R3HDM1: variants seen among roughly 807,000 people sequenced by gnomAD.
R3HDM1 encodes the protein R3H domain containing 1.
Under a neutral mutation model 141.1 loss-of-function variants are expected in R3HDM1, and 46 were observed. The observed-to-expected ratio is 0.33, with a 90% CI of 0.26 to 0.42. R3HDM1 has a LOEUF of 0.42. Among genes scored for constraint, R3HDM1 ranks in the 10% least tolerant of loss-of-function variants. The probability of loss-of-function intolerance (pLI) is 1.00; values close to 1 mark genes in which losing one functional copy is unlikely to be tolerated. For missense variants in R3HDM1, 1,184 were observed against 1,368.3 expected, an observed-to-expected ratio of 0.87 and a Z score of 2.12; for synonymous variants, 435 against 472.9, an observed-to-expected ratio of 0.92 and a Z score of 1.04.
chr2:135,717,685 G>A (rs1264338241), intron 24 of R3HDM1, among the ~76,000 whole-genome samples: 1 of 152,120 alleles, frequency 6.6e-6, no homozygotes, highest in African/African-American at 2.4e-5. Context: ...CCACATGTGA[G>A]TATTTAAAAA....
intron 21 of R3HDM1, among the ~76,000 whole-genome samples, chr2:135,694,005 A>G (rs923338434): frequency 1.5e-4 from 23 of 152,232 alleles, no homozygotes; most frequent in African/African-American, 5.5e-4. Context: ...ACTGCCTCAA[A>G]AAAAAAAGAA....
intron 1 of R3HDM1, among the ~76,000 whole-genome samples, chr2:135,583,125 T>C (rs1707179207): frequency 6.6e-6 from 1 of 152,238 alleles, no homozygotes; most frequent in Non-Finnish European, 1.5e-5. Context: ...ACCAACCATG[T>C]GTATACTGCT....
intron 1 of R3HDM1, among the ~76,000 whole-genome samples, chr2:135,541,684 A>G (rs562809858): frequency 6.6e-6 from 1 of 152,296 alleles, no homozygotes; most frequent in Non-Finnish European, 1.5e-5. Flanking sequence ...TTACAGTGGT[A>G]AAGATCACTG....
At chr2:135,672,305 C>T (rs918077262) in intron 19 of R3HDM1, among the ~76,000 whole-genome samples, 2 of 152,170 alleles carry the variant, frequency 1.3e-5, no homozygotes, top group African/African-American at 4.8e-5. Context: ...AAAACCTTTG[C>T]TTCTTCACCA....
intron 18 of R3HDM1, among the ~76,000 whole-genome samples, chr2:135,660,810 C>T (rs1380395044): frequency 2.7e-5 from 4 of 149,018 alleles, no homozygotes; most frequent in Non-Finnish European, 1.5e-5. Context: ...GGCAGCACTA[C>T]ACTCCAACCT....
intron 1 of R3HDM1, among the ~76,000 whole-genome samples, chr2:135,558,492 T>C (rs566910632): frequency 6.7e-6 from 1 of 149,830 alleles, no homozygotes; most frequent in East Asian, 2.0e-4. Flanking sequence ...TAAATAACCT[T>C]AGTGGGTTAT....
chr2:135,657,269 G>A (rs986696083), intron 18 of R3HDM1, among the ~76,000 whole-genome samples: 1 of 151,814 alleles, frequency 6.6e-6, no homozygotes, highest in African/African-American at 2.4e-5. Context: ...AAATTAGCCA[G>A]GTGTGGTGGC....
At chr2:135,637,542 G>A (rs893822592) in intron 11 of R3HDM1, among the ~76,000 whole-genome samples, 1 of 152,132 alleles carries the variant, frequency 6.6e-6, no homozygotes, top group African/African-American at 2.4e-5. Flanking sequence ...CAGCTACTCA[G>A]GAGGCTGAGA....
intron 20 of R3HDM1, 26 bp from the exon 21 acceptor site, chr2:135,680,147 T>C: frequency 2.5e-6 from 4 of 1,604,666 alleles, no homozygotes; most frequent in Non-Finnish European, 2.6e-6. Flanking sequence ...AACCTTTTTC[T>C]CTTGAAATTG....
chr2:135,676,382 G>T (rs62168799), intron 20 of R3HDM1, among the ~76,000 whole-genome samples: 2,131 of 152,262 alleles, frequency 0.014, 27 homozygotes, highest in Admixed American at 0.029. Flanking sequence ...ATTATTTGAT[G>T]AATAAGCACG....
chr2:135,594,377 A>C (rs1260964184), intron 1 of R3HDM1, among the ~76,000 whole-genome samples: 2 of 152,214 alleles, frequency 1.3e-5, no homozygotes, highest in African/African-American at 2.4e-5. Flanking sequence ...AGCCTATTAT[A>C]TAGCCAAGTA....
intron 1 of R3HDM1, chr2:135,590,854 T>C (rs1709097401): frequency 9.4e-6 from 4 of 425,914 alleles, no homozygotes; most frequent in African/African-American, 2.2e-5. Context: ...CTATTTTTAC[T>C]GGCCACAAAA....
rs572362474 is a variant in R3HDM1, at chr2:135,584,322, C to T, written c.-249-18178C>T. 2.1e-4 allele frequency: 177 copies of T among 851,912 alleles called. 1 individual carries two copies. In the African/African-American group the frequency reaches 2.6e-3, roughly 12 times the overall value. 52.8% of individuals were successfully genotyped at this position (851,912 alleles called of 1,614,324 possible). On this transcript the variant is annotated intron_variant, in intron 1 of 26. Coordinates refer to ENST00000683871, the MANE Select transcript of R3HDM1 (RefSeq NM_001378107.1). ...CAGCCTGGGTGACAGAACGAGATTC[C>T]GTCTAAAATAAATAAATAAATATTA... is the stretch of plus-strand genomic sequence containing the variant.
At chr2:135,623,714 GA>G (rs140475044) in intron 7 of R3HDM1, among the ~76,000 whole-genome samples, 1,960 of 152,166 alleles carry the variant, frequency 0.013, 30 homozygotes, top group African/African-American at 0.042. Context: ...TGAGTCTATT[GA>G]ACAGCTCTAA....
intron 1 of R3HDM1, among the ~76,000 whole-genome samples, chr2:135,588,527 A>G (rs1448772843): frequency 6.6e-5 from 10 of 152,088 alleles, no homozygotes; most frequent in Admixed American, 3.3e-4. Flanking sequence ...GAATTAATAA[A>G]CCATTAGATA....
intron 1 of R3HDM1, among the ~76,000 whole-genome samples, chr2:135,599,940 G>A (rs2059487421): frequency 6.6e-6 from 1 of 151,714 alleles, no homozygotes; most frequent in Non-Finnish European, 1.5e-5. Context: ...AGGCCGGAGT[G>A]GAAGGATAGC....
chr2:135,545,063 A>G (rs1056299885), intron 1 of R3HDM1, among the ~76,000 whole-genome samples: 2 of 152,264 alleles, frequency 1.3e-5, no homozygotes, highest in African/African-American at 4.8e-5. Context: ...ATACTGACCC[A>G]AATCATATAC....
intron 7 of R3HDM1, among the ~76,000 whole-genome samples, chr2:135,628,192 A>G (rs1222388427): frequency 6.6e-6 from 1 of 152,204 alleles, no homozygotes; most frequent in Non-Finnish European, 1.5e-5. Flanking sequence ...CCTTTAACTT[A>G]TGACCATTAT....
At chr2:135,635,476 T>G (rs2063164558) in intron 9 of R3HDM1, among the ~76,000 whole-genome samples, 1 of 152,208 alleles carries the variant, frequency 6.6e-6, no homozygotes, top group African/African-American at 2.4e-5. Flanking sequence ...CTTCTGAGTG[T>G]TTACTGTTTT....
Sources: allele counts gnomAD v4.1 joint callset (sites outside exome capture counted in the v4.1 genomes callset), GRCh38; gene constraint gnomAD v4.1.1; transcripts MANE v1.5; gene names NCBI Gene and HGNC (gene_info 2026-07-23, HGNC 2026-07-21).